Variants in GABRQ observed in about 807,000 individuals in gnomAD.
The protein encoded by GABRQ is gamma-aminobutyric acid receptor subunit theta.
GABRQ carries 19 observed loss-of-function variants against 30.5 expected under a neutral mutation model. That is an observed-to-expected ratio of 0.62 (90% confidence interval 0.43 to 0.91). GABRQ has a LOEUF of 0.91. Among genes scored for constraint, GABRQ ranks in the 40% least tolerant of loss-of-function variants. The pLI is 0.00. For synonymous variants in GABRQ, 187 were observed against 210.2 expected (o/e 0.89, Z 0.95); for missense variants, 520 against 521.4 (o/e 1.00, Z 0.03).
chrX:152,652,581 C>T lies in GABRQ; in HGVS notation c.1199C>T (p.Pro400Leu), dbSNP rs1931049619. 3 of 1,207,644 alleles carry T rather than the reference C, an allele frequency of 2.5e-6. No individual in the cohort carries two copies. Among genetic ancestry groups the T allele is most frequent in the East Asian group, 3.0e-5 (1 of 33,738 alleles). The change falls in exon 9 of 9, where the codon CCC (proline) becomes CTC (leucine). Residue 400 changes from proline (P) to leucine (L), a missense_variant. Pro to Leu is a moderately conservative substitution (Grantham distance 98). Transcript: ENST00000598523. ...INVEDGVSSLPITPAQAPLAS... is the reference protein window; with the variant it reads ...INVEDGVSSLLITPAQAPLAS... ...GTGGAAGACGGAGTCAGCTCTCTCC[C>T]CATCACCCCAGCGCAGGCCCCCCTG...
chrX:152,658,738 CCACACAAA>C (rs1276056722), downstream of GABRQ, among the ~76,000 whole-genome samples: 3 of 111,886 alleles, frequency 2.7e-5, no homozygotes, highest in Non-Finnish European at 5.6e-5. Flanking sequence ...TCCATGGCCA[CCACACAAA>C]CACACCTTTC....
chrX:152,651,835 G>A lies in GABRQ; in HGVS notation c.1158+53G>A, dbSNP rs898089439. ...TTCCCTGAGCACCTCTTGAGCCCAGGCTTAGCGCTTTTGACCCTTTTGCAT... is the reference window on the plus strand; with the variant it reads ...TTCCCTGAGCACCTCTTGAGCCCAGACTTAGCGCTTTTGACCCTTTTGCAT... On this transcript the variant is annotated intron_variant, in intron 8 of 8. Transcript: ENST00000598523. 4.4e-6 allele frequency: 5 copies of A among 1,143,447 alleles called. No individual in the cohort carries two copies. The South Asian group carries it at 9.8e-5, about 22-fold the overall frequency. 94.2% of individuals were successfully genotyped at this position (1,143,447 alleles called of 1,213,427 possible). A position where few individuals can be genotyped will look rare whatever the true frequency, so the allele number is the denominator to read the frequency against.
chrX:152,649,514 G>A (rs1309425607), intron 5 of GABRQ, among the ~76,000 whole-genome samples, 181 bp downstream of exon 5: 3 of 111,895 alleles, frequency 2.7e-5, no homozygotes, highest in African/African-American at 9.8e-5. Context: ...AAGAGAGAAA[G>A]ATGGTGGAGA....
chrX:152,642,656 T>C (rs1556818572), intron 2 of GABRQ, among the ~76,000 whole-genome samples: 1 of 112,080 alleles, frequency 8.9e-6, no homozygotes, highest in East Asian at 2.8e-4. Flanking sequence ...GGAAGTACAG[T>C]TGAGGCAGGA....
At chrX:152,645,142 AAC>A (rs1173871460) in intron 2 of GABRQ, among the ~76,000 whole-genome samples, 1 of 111,873 alleles carries the variant, frequency 8.9e-6, no homozygotes, top group African/African-American at 3.3e-5. Context: ...TGCTCCCACA[AAC>A]ACACACATTC....
intron 7 of GABRQ, 59 bp downstream of exon 7, chrX:152,650,639 G>T (rs1267879448): frequency 2.2e-6 from 2 of 929,318 alleles, no homozygotes; most frequent in East Asian, 6.1e-5. Flanking sequence ...AAAAAAAGTT[G>T]AGAGTAAGGA....
At chrX:152,639,625 C>A (rs1158797704) in intron 1 of GABRQ, among the ~76,000 whole-genome samples, 1 of 111,862 alleles carries the variant, frequency 8.9e-6, no homozygotes, top group Non-Finnish European at 1.9e-5. Context: ...CAAGACACCT[C>A]CAGGGTGGAA....
chrX:152,650,809 C>T (rs1034494899), intron 7 of GABRQ, among the ~76,000 whole-genome samples: 1 of 111,109 alleles, frequency 9.0e-6, no homozygotes, highest in African/African-American at 3.3e-5. Flanking sequence ...AATCTTGGCC[C>T]GTTGAGCCCC....
At chrX:152,657,645 T>C (rs1931175000), downstream of GABRQ, 2 of 112,227 alleles carry the variant, frequency 1.8e-5, no homozygotes, top group Admixed American at 9.4e-5. Flanking sequence ...TCCCATGGCC[T>C]TCCCACCGCT....
chrX:152,645,439 G>A (rs782810481), intron 2 of GABRQ, 88 bp from the exon 3 acceptor site: 3 of 591,145 alleles, frequency 5.1e-6, no homozygotes, highest in Non-Finnish European at 8.8e-6. Context: ...GTTTCAAAGA[G>A]GGTTCAAACC....
chrX:152,654,798 C>T lies in GABRQ; in HGVS notation c.*1517C>T, dbSNP rs1425277798. 3 of 112,533 alleles carry T rather than the reference C, an allele frequency of 2.7e-5. No individual in the cohort carries two copies. The highest frequency in any genetic ancestry group is 5.6e-5 in the Non-Finnish European group (3 of 53,309). 9.3% of individuals were successfully genotyped at this position (112,533 alleles called of 1,213,427 possible). ...CCACCTCTTCCTCCCTATGCAGTCT[C>T]TCCCTCAGTCCCTTACCCCTCTACC... On this transcript the variant is annotated 3_prime_UTR_variant, in exon 9 of 9. Transcript: ENST00000598523.
chrX:152,640,015 G>A (rs1556818074), intron 1 of GABRQ, among the ~76,000 whole-genome samples: 1 of 111,359 alleles, frequency 9.0e-6, no homozygotes, highest in African/African-American at 3.3e-5. Flanking sequence ...GCTCTTGAAG[G>A]GGCTGAAGTA....
Position 152,650,006 on chromosome X carries a change from C to T in GABRQ, c.748+127C>T, listed in dbSNP as rs181859020. ...TTTCCACTTCCTACTGGTTCCAGGC[C>T]CCCTTAAGAAAGCCCCAATGACTCA... is the stretch of plus-strand genomic sequence containing the variant. On this transcript the variant is annotated intron_variant, in intron 6 of 8. Coordinates refer to ENST00000598523, the MANE Select transcript of GABRQ (RefSeq NM_018558.4). The T allele has an allele frequency of 2.2e-3, 1,144 of 523,980 alleles. 8 individuals carry two copies. Among genetic ancestry groups the T allele is most frequent in the Admixed American group, 2.4e-3 (76 of 31,746 alleles). The allele number at this position is 523,980 out of a possible 1,213,427, so 43.2% of individuals were successfully genotyped here.
At chrX:152,638,836 G>T (rs1556817849) in intron 1 of GABRQ, among the ~76,000 whole-genome samples, 1 of 111,246 alleles carries the variant, frequency 9.0e-6, no homozygotes, top group Admixed American at 9.5e-5. Flanking sequence ...TGCATGTGTT[G>T]AGGGGATGAG....
rs1199474317 is a variant in GABRQ at position 152,638,160 on chromosome X, G to C, written c.-43G>C. On this transcript the variant is annotated 5_prime_UTR_variant, in exon 1 of 9. Transcript: ENST00000598523. ...CCACCCCACCTCTGTTCCTTTTCGCGGCCCCGTCTCCCGCGCCCTCAGGCG... is the reference window on the plus strand; with the variant it reads ...CCACCCCACCTCTGTTCCTTTTCGCCGCCCCGTCTCCCGCGCCCTCAGGCG... 23 of 1,178,325 alleles carry C rather than the reference G, an allele frequency of 2.0e-5. No homozygotes were observed. Among genetic ancestry groups the C allele is most frequent in the Non-Finnish European group, 2.6e-5 (23 of 874,150 alleles).
At position 152,647,924 on chromosome X, in the gene GABRQ, T is replaced by C. The variant is rs112940894; in HGVS notation, c.527+756T>C. Among the ~76,000 whole-genome samples, 166 of 112,077 alleles carry C rather than the reference T, an allele frequency of 1.5e-3. 1 individual carries two copies. The highest frequency in any genetic ancestry group is 5.2e-3 in the African/African-American group (159 of 30,815). ...GCTCTTACGGTTTTTACAGATCTAA[T>C]CTCTGGGTTTCTCTTTCTCCGTGGA... On this transcript the variant is annotated intron_variant, in intron 4 of 8. Transcript: ENST00000598523.
In GABRQ at chrX:152,653,005, C is replaced by T. The variant is rs1042742753; in HGVS notation, c.1623C>T (p.Ser541=). ...GWDLDDNNDK[S]DCLAIKEQFK... ...ACCTTGATGACAACAATGACAAGAG[C>T]GACTGCCTTGCCATTAAGGAGCAAT... Residue 541 remains serine, a synonymous_variant, in exon 9 of 9, where the codon AGC becomes AGT. Coordinates refer to ENST00000598523, the MANE Select transcript of GABRQ (RefSeq NM_018558.4). 1.5e-5 allele frequency: 18 copies of T among 1,208,386 alleles called. No individual in the cohort carries two copies. Among genetic ancestry groups the T allele is most frequent in the East Asian group, 3.0e-5 (1 of 33,740 alleles).
chrX:152,637,945 C>T lies in GABRQ; in HGVS notation c.-258C>T, dbSNP rs918756793. ...CGGAGCGCACCTCGCAGCTGCCGGG[C>T]GGGCCCTGGGGGGAGCTGCGTCCAG... On this transcript the variant is annotated 5_prime_UTR_variant, in exon 1 of 9. Coordinates refer to ENST00000598523, the MANE Select transcript of GABRQ (RefSeq NM_018558.4). Among the ~76,000 whole-genome samples the T allele has an allele frequency of 7.9e-5, 9 of 113,423 alleles. No individual in the cohort carries two copies. Among genetic ancestry groups the T allele is most frequent in the Non-Finnish European group, 1.7e-4 (9 of 53,364 alleles).
In GABRQ at chrX:152,652,961, G is replaced by T. The variant is rs781960566; in HGVS notation, c.1579G>T (p.Val527Leu). The T allele has an allele frequency of 8.3e-7, 1 of 1,211,146 alleles. No individual in the cohort carries two copies. The highest frequency in any genetic ancestry group is 1.1e-6 in the Non-Finnish European group (1 of 894,538). Residue 527 changes from valine to leucine, a missense_variant, in exon 9 of 9, where the codon GTG (valine) becomes TTG (leucine). Coordinates refer to ENST00000598523, the MANE Select transcript of GABRQ (RefSeq NM_018558.4). ...CATGCTTCACCATGGCGAGAAGGGTGTGCAAGAAGCAGGCTGGGACCTTGA... is the reference window on the plus strand; with the variant it reads ...CATGCTTCACCATGGCGAGAAGGGTTTGCAAGAAGCAGGCTGGGACCTTGA... ...KPMLHHGEKG[V>L]QEAGWDLDDN...
Sources: gnomAD v4.1 joint callset for allele counts (sites outside exome capture counted in the v4.1 genomes callset) on GRCh38, gnomAD v4.1.1 for gene constraint, MANE v1.5 for transcripts, NCBI Gene and HGNC (gene_info 2026-07-23, HGNC 2026-07-21) for gene names.